ATF1: variants seen among roughly 807,000 people sequenced by gnomAD.
ATF1 encodes the protein cyclic AMP-dependent transcription factor ATF-1.
A neutral mutation model predicts 34.7 loss-of-function variants in ATF1; 16 were observed. The observed-to-expected ratio is 0.46, with a 90% CI of 0.31 to 0.70. The LOEUF (loss-of-function observed/expected upper bound fraction) is 0.70. Among genes scored for constraint, ATF1 ranks in the 30% least tolerant of loss-of-function variants. The probability of loss-of-function intolerance (pLI) is 0.05; values close to 1 mark genes in which losing one functional copy is unlikely to be tolerated. For missense variants in ATF1, 255 were observed against 321.6 expected (o/e 0.79, Z 1.58); for synonymous variants, 105 against 113.1 (o/e 0.93, Z 0.46).
At chr12:50,810,662 G>A (rs578079459) in intron 4 of ATF1, among the ~76,000 whole-genome samples, 112 of 152,208 alleles carry the variant, frequency 7.4e-4, no homozygotes, top group Middle Eastern at 6.8e-3. Flanking sequence ...TCACCCTAAC[G>A]AATTTACTTG....
intron 3 of ATF1, among the ~76,000 whole-genome samples, chr12:50,801,816 CAACCTAATAAAAAGGG>C (rs1941517377): frequency 6.6e-6 from 1 of 152,166 alleles, no homozygotes; most frequent in Admixed American, 6.5e-5. Context: ...GCTGCTTCCT[CAACCTAATAAAAAGGG>C]TCTACGAAAA....
At position 50,810,836 on chromosome 12, in the gene ATF1, A is replaced by G. The variant is rs111463597; in HGVS notation, c.328+1247A>G. Among the ~76,000 whole-genome samples the G allele has an allele frequency of 1.4e-4, 21 of 152,298 alleles. 1 individual carries two copies. The highest frequency in any genetic ancestry group is 4.6e-4 in the African/African-American group (19 of 41,562). ...TACTGAAGTAGGCATCCAGTTGGTC[A>G]TCTTGCTTCCATTCTTGCTCTAATA... On this transcript the variant is annotated intron_variant, in intron 4 of 6. Coordinates refer to ENST00000262053, the MANE Select transcript of ATF1 (RefSeq NM_005171.5).
chr12:50,793,354 G>A (rs566281747), intron 2 of ATF1, among the ~76,000 whole-genome samples: 4 of 152,162 alleles, frequency 2.6e-5, no homozygotes, highest in South Asian at 2.1e-4. Flanking sequence ...GGCCAGGTGC[G>A]GTGGCTCATA....
intron 1 of ATF1, among the ~76,000 whole-genome samples, chr12:50,771,400 A>G (rs1184985328): frequency 6.6e-6 from 1 of 152,176 alleles, no homozygotes; most frequent in Non-Finnish European, 1.5e-5. Flanking sequence ...AATTTTCCAG[A>G]TACCACCTTT....
At chr12:50,786,753 C>G (rs1433185765) in intron 2 of ATF1, among the ~76,000 whole-genome samples, 1 of 152,160 alleles carries the variant, frequency 6.6e-6, no homozygotes, top group Non-Finnish European at 1.5e-5. Flanking sequence ...AAAGCCCCAA[C>G]CCCTGTAACC....
intron 1 of ATF1, among the ~76,000 whole-genome samples, chr12:50,769,511 A>G (rs1296387193): frequency 1.3e-5 from 2 of 152,164 alleles, no homozygotes; most frequent in Non-Finnish European, 2.9e-5. Flanking sequence ...CCATCTCAAA[A>G]AAAAAAAAAA....
intron 3 of ATF1, chr12:50,806,420 C>T: frequency 2.1e-6 from 1 of 478,448 alleles, no homozygotes; most frequent in Non-Finnish European, 4.3e-6. Flanking sequence ...ACAATGGTTC[C>T]CATCAACACC....
intron 1 of ATF1, among the ~76,000 whole-genome samples, chr12:50,778,612 G>A (rs1183949404): frequency 6.9e-6 from 1 of 144,484 alleles, no homozygotes; most frequent in Non-Finnish European, 1.5e-5. Flanking sequence ...TTTTTTTTGA[G>A]ACAATCTCCC....
intron 3 of ATF1, among the ~76,000 whole-genome samples, chr12:50,798,231 G>A (rs954712061): frequency 6.6e-6 from 1 of 152,084 alleles, no homozygotes; most frequent in Admixed American, 6.6e-5. Flanking sequence ...AGAAAGTATG[G>A]TGAACAAAGA....
intron 1 of ATF1, among the ~76,000 whole-genome samples, chr12:50,773,959 A>T (rs1309297141): frequency 1.3e-5 from 2 of 152,176 alleles, no homozygotes; most frequent in African/African-American, 4.8e-5. Flanking sequence ...TCTAATGATC[A>T]GTAATGTTGA....
At chr12:50,816,814 A>G (rs1023433298) in intron 6 of ATF1, among the ~76,000 whole-genome samples, 4 of 151,656 alleles carry the variant, frequency 2.6e-5, no homozygotes, top group African/African-American at 9.7e-5. Flanking sequence ...AGCCATGATC[A>G]CGCCATTGTA....
At chr12:50,769,931 T>C (rs1433014899) in intron 1 of ATF1, among the ~76,000 whole-genome samples, 2 of 152,226 alleles carry the variant, frequency 1.3e-5, no homozygotes, top group Admixed American at 1.3e-4. Flanking sequence ...TGTTCATGAA[T>C]ATCAAATGAA....
chr12:50,808,740 G>A (rs1941669370), intron 3 of ATF1, among the ~76,000 whole-genome samples: 1 of 133,822 alleles, frequency 7.5e-6, no homozygotes, highest in Non-Finnish European at 1.6e-5. Flanking sequence ...GTAGATTATT[G>A]TAATTTTTTT....
chr12:50,794,069 G>T (rs1047840919), intron 2 of ATF1, among the ~76,000 whole-genome samples: 13 of 151,790 alleles, frequency 8.6e-5, no homozygotes, highest in African/African-American at 2.4e-4. Flanking sequence ...TCCTGCCTCA[G>T]CCTCCCGAGT....
At chr12:50,815,749 A>T (rs2139698574) in intron 6 of ATF1, among the ~76,000 whole-genome samples, 1 of 152,246 alleles carries the variant, frequency 6.6e-6, no homozygotes, top group Middle Eastern at 3.4e-3. Context: ...GAGACTTCTC[A>T]AAAAACGAAA....
chr12:50,792,522 G>C (rs1038723859), intron 2 of ATF1, among the ~76,000 whole-genome samples: 8 of 152,140 alleles, frequency 5.3e-5, no homozygotes, highest in African/African-American at 1.9e-4. Context: ...ATGTGCAAAT[G>C]ATACAGAAAT....
At chr12:50,811,292 T>C (rs1941732099) in intron 4 of ATF1, among the ~76,000 whole-genome samples, 1 of 152,114 alleles carries the variant, frequency 6.6e-6, no homozygotes, top group Non-Finnish European at 1.5e-5. Flanking sequence ...ACATATTAGT[T>C]TAATTATAGA....
intron 2 of ATF1, among the ~76,000 whole-genome samples, chr12:50,785,639 G>C (rs1190228945): frequency 2.0e-5 from 3 of 152,172 alleles, no homozygotes; most frequent in Admixed American, 2.0e-4. Flanking sequence ...GTTCTTAGCA[G>C]GAGGCTAGAC....
chr12:50,793,506 T>C (rs1941346230), intron 2 of ATF1, among the ~76,000 whole-genome samples: 1 of 151,770 alleles, frequency 6.6e-6, no homozygotes, highest in African/African-American at 2.4e-5. Context: ...GTGCCTGTAA[T>C]CCCAGCTACC....
Sources: gnomAD v4.1 joint callset for allele counts (sites outside exome capture counted in the v4.1 genomes callset) on GRCh38, gnomAD v4.1.1 for gene constraint, MANE v1.5 for transcripts, NCBI Gene and HGNC (gene_info 2026-07-23, HGNC 2026-07-21) for gene names.